Variants in RERE observed in about 807,000 individuals in gnomAD.
RERE encodes arginine-glutamic acid dipeptide repeats.
A neutral mutation model predicts 146.1 loss-of-function variants in RERE; 40 were observed. The ratio of observed to expected loss-of-function variants is 0.27; its 90% CI spans 0.21 to 0.36. RERE has a LOEUF of 0.36. Among genes scored for constraint, RERE ranks in the 10% least tolerant of loss-of-function variants. The pLI is 1.00. For missense variants in RERE, 1,933 were observed against 2,138.7 expected (o/e 0.90, Z 1.90); for synonymous variants, 1,003 against 866.0 (o/e 1.16, Z -2.78).
At chr1:8,370,015 C>G (rs1055284544) in intron 12 of RERE, among the ~76,000 whole-genome samples, 1 of 152,046 alleles carries the variant, frequency 6.6e-6, no homozygotes, top group Non-Finnish European at 1.5e-5. Context: ...TGGTCTCGAT[C>G]TCCTGACCTC....
chr1:8,512,144 C>A (rs1170812357), intron 7 of RERE, among the ~76,000 whole-genome samples: 1 of 147,236 alleles, frequency 6.8e-6, no homozygotes, highest in Non-Finnish European at 1.5e-5. Context: ...CGCCATTCTC[C>A]TGCCTCAGCC....
intron 1 of RERE, among the ~76,000 whole-genome samples, chr1:8,668,730 C>T (rs1021210363): frequency 6.6e-6 from 1 of 152,002 alleles, no homozygotes; most frequent in African/African-American, 2.4e-5. Context: ...TATATGATTC[C>T]ACTTGTAATA....
chr1:8,375,430 C>T (rs576208276), intron 12 of RERE, among the ~76,000 whole-genome samples: 17 of 152,342 alleles, frequency 1.1e-4, no homozygotes, highest in African/African-American at 3.1e-4. Context: ...CCAGTGAAAA[C>T]GCAATCCACA....
At chr1:8,480,438 ATT>A (rs774790710) in intron 10 of RERE, among the ~76,000 whole-genome samples, 16 of 108,814 alleles carry the variant, frequency 1.5e-4, no homozygotes, top group Admixed American at 9.9e-5. Flanking sequence ...AGGCCCGGAA[ATT>A]TTTTTTTTTT....
At chr1:8,506,850 A>C (rs74970903) in intron 8 of RERE, among the ~76,000 whole-genome samples, 5,764 of 152,292 alleles carry the variant, frequency 0.038, 363 homozygotes, top group African/African-American at 0.13. Flanking sequence ...GAAAGGATAA[A>C]ATATAGCCAA....
In RERE at chr1:8,355,460, G is replaced by T; in HGVS notation, c.4626C>A (p.His1542Gln). 6.2e-7 allele frequency: 1 copy of T among 1,613,000 alleles called. No homozygotes were observed. Among genetic ancestry groups the T allele is most frequent in the Non-Finnish European group, 8.5e-7 (1 of 1,180,010 alleles). The change falls in exon 22 of 23, where the codon CAC becomes CAA. Residue 1542 changes from histidine (H) to glutamine (Q), a missense_variant. By Grantham distance (24) the His-to-Gln change is conservative (BLOSUM62 0). Coordinates refer to ENST00000400908, the MANE Select transcript of RERE (RefSeq NM_001042681.2). ...MEQQWLHGHPHMHGGHLPSQE... is the reference protein window; with the variant it reads ...MEQQWLHGHPQMHGGHLPSQE... ...GACTTGGTAGGTGGCCACCATGCATGTGGGGGTGTCCATGCAGCCACTGCT... is the reference window on the plus strand; with the variant it reads ...GACTTGGTAGGTGGCCACCATGCATTTGGGGGTGTCCATGCAGCCACTGCT...
At chr1:8,526,107 C>CT in intron 7 of RERE, 3 of 1,065,580 alleles carry the variant, frequency 2.8e-6, no homozygotes, top group Non-Finnish European at 3.4e-6. Context: ...GCACACCAAG[C>CT]TAGTGTGCAG....
chr1:8,486,755 T>TAAAAAAAAA (rs33956517), intron 10 of RERE, among the ~76,000 whole-genome samples: 1 of 122,312 alleles, frequency 8.2e-6, no homozygotes, highest in Non-Finnish European at 1.7e-5. Flanking sequence ...GAGTCCATCT[T>TAAAAAAAAA]AAAAAAAAAA....
chr1:8,416,724 T>A (rs934098991), intron 12 of RERE, among the ~76,000 whole-genome samples: 1 of 152,240 alleles, frequency 6.6e-6, no homozygotes. Flanking sequence ...AGTGAAACTT[T>A]ACAATTTTAA....
chr1:8,786,362 T>G (rs963850079), intron 1 of RERE: 6 of 844,554 alleles, frequency 7.1e-6, no homozygotes, highest in Non-Finnish European at 1.2e-5. Flanking sequence ...ACAGTATAGA[T>G]GTCATGAATC....
intron 11 of RERE, among the ~76,000 whole-genome samples, chr1:8,437,539 G>T (rs986965076): frequency 3.3e-5 from 5 of 151,912 alleles, no homozygotes; most frequent in African/African-American, 1.2e-4. Flanking sequence ...CCCAAGGGAG[G>T]GTCCCAAGAT....
chr1:8,500,373 T>G (rs1645114307), intron 8 of RERE, among the ~76,000 whole-genome samples: 1 of 152,372 alleles, frequency 6.6e-6, no homozygotes, highest in South Asian at 2.1e-4. Flanking sequence ...AAAATGCCTC[T>G]TAATCATAAG....
At chr1:8,804,724 A>AC (rs1466448452) in intron 1 of RERE, among the ~76,000 whole-genome samples, 3 of 150,588 alleles carry the variant, frequency 2.0e-5, no homozygotes, top group African/African-American at 7.3e-5. Context: ...TGCAGAACTG[A>AC]TGTGAGAAAG....
intron 1 of RERE, among the ~76,000 whole-genome samples, chr1:8,663,722 C>T (rs1638507454): frequency 1.3e-5 from 2 of 152,160 alleles, no homozygotes; most frequent in Non-Finnish European, 1.5e-5. Flanking sequence ...TTAAAGCATA[C>T]AATGCCCACT....
chr1:8,779,172 ACATC>A (rs1432057011), intron 1 of RERE, among the ~76,000 whole-genome samples: 1 of 152,042 alleles, frequency 6.6e-6, no homozygotes, highest in Non-Finnish European at 1.5e-5. Flanking sequence ...TTTATGTGTA[ACATC>A]ACTTAGACTC....
At chr1:8,653,563 T>G (rs538390257) in intron 2 of RERE, among the ~76,000 whole-genome samples, 1 of 151,860 alleles carries the variant, frequency 6.6e-6, no homozygotes, top group African/African-American at 2.4e-5. Context: ...GGCGCAGTGG[T>G]GGGCGCCTGT....
Position 8,769,820 on chromosome 1 carries a change from G to A in RERE, c.-145+47340C>T, listed in dbSNP as rs536898770. On this transcript the variant is annotated intron_variant, in intron 1 of 22. Coordinates refer to ENST00000400908, the MANE Select transcript of RERE (RefSeq NM_001042681.2). ...TTTTTATTTTTTGAGATGAAGTCTC[G>A]CTCTGTTGCCCAGGCTGGAGTGCAG... Among the ~76,000 whole-genome samples the A allele has an allele frequency of 1.9e-4, 29 of 151,066 alleles. No individual in the cohort carries two copies. The South Asian group carries it at 5.5e-3, about 28-fold the overall frequency.
intron 1 of RERE, among the ~76,000 whole-genome samples, chr1:8,741,762 A>T (rs1435258219): frequency 6.6e-6 from 1 of 152,242 alleles, no homozygotes; most frequent in African/African-American, 2.4e-5. Flanking sequence ...TAGCAGCAAG[A>T]ACAGACTAAT....
chr1:8,638,783 A>ATTTTTTTTTTTTTTTTTTT (rs34276909), intron 2 of RERE, among the ~76,000 whole-genome samples: 1 of 100,348 alleles, frequency 1.0e-5, no homozygotes, highest in African/African-American at 4.2e-5. Flanking sequence ...ACGAAAAAAA[A>ATTTTTTTTTTTTTTTTTTT]TTTTTTTTTT....
Sources: gnomAD v4.1 joint callset for allele counts (sites outside exome capture counted in the v4.1 genomes callset) on GRCh38, gnomAD v4.1.1 for gene constraint, MANE v1.5 for transcripts, NCBI Gene and HGNC (gene_info 2026-07-23, HGNC 2026-07-21) for gene names.